The following PCDHGA4 variants were observed in gnomAD, a reference collection of about 807,000 sequenced individuals.
PCDHGA4 encodes the protein protocadherin gamma subfamily A, 4.
A neutral mutation model predicts 54.6 loss-of-function variants in PCDHGA4; 38 were observed. The observed-to-expected ratio is 0.70, with a 90% CI of 0.54 to 0.91. The LOEUF (loss-of-function observed/expected upper bound fraction) is 0.91, where lower values mean the gene tolerates loss of function less well. Ranked by LOEUF, PCDHGA4 falls within the 40% of genes least tolerant of loss-of-function variation. The pLI, the probability that PCDHGA4 is intolerant of heterozygous loss-of-function variation, is 0.00. For synonymous variants in PCDHGA4, 511 were observed against 512.9 expected, an observed-to-expected ratio of 1.00 and a Z score of 0.05; for missense variants, 1,298 against 1,220.9, an observed-to-expected ratio of 1.06 and a Z score of -0.94.
rs774354457 is a variant in PCDHGA4 at position 141,409,462 on chromosome 5, CA to C, written c.2514+51842del. 8.1e-6 allele frequency: 13 copies of C among 1,613,870 alleles called. No individual in the cohort carries two copies. The East Asian group carries it at 2.9e-4, about 36-fold the overall frequency. On this transcript the variant is annotated intron_variant, in intron 1 of 3. Coordinates refer to ENST00000571252, the MANE Select transcript of PCDHGA4 (RefSeq NM_018917.4). ...GAGAGCAGACACCAGAATACAATGT[CA>C]CCATCGTAGCCACTGACAGGGGCAA... is the stretch of plus-strand genomic sequence containing the variant.
rs2099749948 is a variant in PCDHGA4 at position 141,493,762 on chromosome 5, C to T, written c.2515-1045C>T. Among the ~76,000 whole-genome samples the T allele has an allele frequency of 1.3e-5, 2 of 152,130 alleles. No homozygotes were observed. Among genetic ancestry groups the T allele is most frequent in the South Asian group, 4.1e-4 (2 of 4,830 alleles). Reference sequence around the variant, plus strand: ...TGCCACCTGTGAGCCTTGAGTGAGCCACTGGCAGTTCCGGAGCTTCCTTCT... The same window carrying T: ...TGCCACCTGTGAGCCTTGAGTGAGCTACTGGCAGTTCCGGAGCTTCCTTCT... On this transcript the variant is annotated intron_variant, in intron 1 of 3. Transcript: ENST00000571252. The surrounding 1 kb of genome is among the most constrained non-coding windows in gnomAD (Gnocchi z 4.3).
chr5:141,422,908 C>G, intron 1 of PCDHGA4: 1 of 1,614,244 alleles, frequency 6.2e-7, no homozygotes, highest in Non-Finnish European at 8.5e-7. Flanking sequence ...CGACAATGCG[C>G]CCGAGATCCT....
intron 1 of PCDHGA4, chr5:141,422,699 C>T: frequency 6.2e-7 from 1 of 1,603,420 alleles, no homozygotes; most frequent in Middle Eastern, 1.7e-4. Flanking sequence ...GTCACTTACT[C>T]TCTGACGGAT....
chr5:141,446,222 G>C (rs74509878), intron 1 of PCDHGA4, among the ~76,000 whole-genome samples: 7,034 of 152,204 alleles, frequency 0.046, 244 homozygotes, highest in African/African-American at 0.093. Flanking sequence ...ATATTGTTGT[G>C]TTGCCTGGCA....
At chr5:141,393,203 C>A in intron 1 of PCDHGA4, 1 of 1,613,514 alleles carries the variant, frequency 6.2e-7, no homozygotes, top group South Asian at 1.1e-5. Context: ...ACGATAATAA[C>A]CCAAAATTCC....
At chr5:141,501,334 C>CA (rs2099808390) in intron 2 of PCDHGA4, among the ~76,000 whole-genome samples, 1 of 145,376 alleles carries the variant, frequency 6.9e-6, no homozygotes, top group Non-Finnish European at 1.5e-5. Flanking sequence ...CACACACACA[C>CA]CCCAAACTCA....
chr5:141,482,609 A>G (rs2099569274), intron 1 of PCDHGA4, among the ~76,000 whole-genome samples: 1 of 151,770 alleles, frequency 6.6e-6, no homozygotes, highest in African/African-American at 2.4e-5. Context: ...AAACACCTAA[A>G]TGAGCCTGGA....
At chr5:141,414,623 C>T (rs998923536) in intron 1 of PCDHGA4, 2 of 1,613,820 alleles carry the variant, frequency 1.2e-6, no homozygotes, top group African/African-American at 1.3e-5. Flanking sequence ...GCGCTGGACC[C>T]GGACAGCAAA....
At position 141,438,243 on chromosome 5, in the gene PCDHGA4, A is replaced by C. The variant is rs1445738408; in HGVS notation, c.2515-56564A>C. ...TGGTTCAGGAAAATGTTTTTAAAAA[A>C]CTGTCATTGAAGAGACCATAGAATC... On this transcript the variant is annotated intron_variant, in intron 1 of 3. Coordinates refer to ENST00000571252, the MANE Select transcript of PCDHGA4 (RefSeq NM_018917.4). Among the ~76,000 whole-genome samples, 3 of 152,250 alleles carry C rather than the reference A, an allele frequency of 2.0e-5. No individual in the cohort carries two copies. In the East Asian group the frequency reaches 5.8e-4, roughly 29 times the overall value.
At position 141,486,891 on chromosome 5, in the gene PCDHGA4, G is replaced by C. The variant is rs201201426; in HGVS notation, c.2515-7916G>C. On this transcript the variant is annotated intron_variant, in intron 1 of 3. Transcript: ENST00000571252. This position sits in a 1 kb window ranked among gnomAD's most constrained non-coding sequence, Gnocchi z 5.0. ...GTGCTCCGTCCTCGGGCCCGGCCTGGTTCCTTATGTCCCCAAGCACTGCCT... is the reference window on the plus strand; with the variant it reads ...GTGCTCCGTCCTCGGGCCCGGCCTGCTTCCTTATGTCCCCAAGCACTGCCT... 14 of 1,614,118 alleles carry C rather than the reference G, an allele frequency of 8.7e-6. No homozygotes were observed. The highest frequency in any genetic ancestry group is 3.3e-5 in the Admixed American group (2 of 60,008).
At chr5:141,391,258 T>C (rs1419386522) in intron 1 of PCDHGA4, 3 of 152,182 alleles carry the variant, frequency 2.0e-5, no homozygotes, top group African/African-American at 7.2e-5. Context: ...ACTGCTTCAG[T>C]TAATGGCCAC....
intron 1 of PCDHGA4, among the ~76,000 whole-genome samples, chr5:141,447,221 C>A (rs1034853072): frequency 6.6e-6 from 1 of 152,026 alleles, no homozygotes; most frequent in Non-Finnish European, 1.5e-5. Context: ...CTCACTGCAA[C>A]CTCCGCCTCC....
At position 141,485,656 on chromosome 5, in the gene PCDHGA4, T is replaced by C. The variant is rs147216126; in HGVS notation, c.2515-9151T>C. On this transcript the variant is annotated intron_variant, in intron 1 of 3. Coordinates refer to ENST00000571252, the MANE Select transcript of PCDHGA4 (RefSeq NM_018917.4). This position sits in a 1 kb window ranked among gnomAD's most constrained non-coding sequence, Gnocchi z 5.7. ...CGTTGGAAAAGGCTCAGGATGCAGA[T>C]GTGGGGAGCAATTCGATTAGCAGCT... 23 of 1,612,648 alleles carry C rather than the reference T, an allele frequency of 1.4e-5. No homozygotes were observed. The African/African-American group carries it at 2.8e-4, about 20-fold the overall frequency.
intron 1 of PCDHGA4, among the ~76,000 whole-genome samples, chr5:141,483,834 A>G (rs2154580001): frequency 6.6e-6 from 1 of 152,212 alleles, no homozygotes; most frequent in South Asian, 2.1e-4. Flanking sequence ...CTAGGTAAGG[A>G]CTTGGTTGAA....
At chr5:141,357,706 T>C in intron 1 of PCDHGA4, 85 bp downstream of exon 1, 1 of 1,481,654 alleles carries the variant, frequency 6.7e-7, no homozygotes, top group South Asian at 1.3e-5. Flanking sequence ...ATGTAATATA[T>C]CAAATAAAGT....
intron 1 of PCDHGA4, chr5:141,382,952 T>C (rs781221322): frequency 6.2e-7 from 1 of 1,601,438 alleles, no homozygotes; most frequent in Non-Finnish European, 8.5e-7. Context: ...CTGCTCTCCA[T>C]CCTCCTGGGG....
At chr5:141,400,681 T>A in intron 1 of PCDHGA4, 1 of 834,118 alleles carries the variant, frequency 1.2e-6, no homozygotes, top group Non-Finnish European at 1.9e-6. Context: ...CAGTAAATTG[T>A]GAGTTTTTAT....
intron 1 of PCDHGA4, chr5:141,365,075 G>T (rs754573655): frequency 1.2e-6 from 2 of 1,613,724 alleles, no homozygotes; most frequent in South Asian, 1.1e-5. Flanking sequence ...CGAGTACAGC[G>T]TGAGTGTTCC....
chr5:141,359,218 A>G (rs1208654805), intron 1 of PCDHGA4, among the ~76,000 whole-genome samples: 1 of 152,164 alleles, frequency 6.6e-6, no homozygotes, highest in Admixed American at 6.5e-5. Context: ...GACAACTTAC[A>G]TCTGAGGAGA....
Sources: gnomAD v4.1 joint callset for allele counts (sites outside exome capture counted in the v4.1 genomes callset) on GRCh38, gnomAD v4.1.1 for gene constraint, Gnocchi (gnomAD v3.1) non-coding constraint, MANE v1.5 for transcripts, NCBI Gene and HGNC (gene_info 2026-07-23, HGNC 2026-07-21) for gene names.